COP1: variants seen among roughly 807,000 people sequenced by gnomAD.
COP1 encodes COP1 E3 ubiquitin ligase, also known as E3 ubiquitin-protein ligase COP1.
In COP1, 24 loss-of-function variants were observed where a neutral mutation model predicts 101.3. The ratio of observed to expected loss-of-function variants is 0.24; its 90% CI spans 0.17 to 0.33. The LOEUF (loss-of-function observed/expected upper bound fraction) is 0.33, where lower values mean the gene tolerates loss of function less well. COP1 is among the 10% of genes least tolerant of loss of function. COP1 has a pLI of 1.00. For missense variants in COP1, 663 were observed against 906.2 expected (o/e 0.73, Z 3.45); for synonymous variants, 347 against 341.9 (o/e 1.01, Z -0.17).
chr1:175,989,371 A>G lies in COP1; in HGVS notation c.1838T>C (p.Ile613Thr). Reference sequence around the variant, plus strand: ...GGAGAGTAATACTCACGCAGAGACAATTTCCTCACCACTCACAAACTTTGC... The same window carrying G: ...GGAGAGTAATACTCACGCAGAGACAGTTTCCTCACCACTCACAAACTTTGC... Reference protein sequence around the residue: ...SYAKFVSGEEIVSASTDSQLK... With the variant: ...SYAKFVSGEETVSASTDSQLK... The change falls in exon 16 of 20, where the codon ATT becomes ACT. Residue 613 changes from isoleucine (I) to threonine (T), a missense_variant. Physicochemically the swap from Ile to Thr is moderately conservative, Grantham distance 89. Coordinates refer to ENST00000367669, the MANE Select transcript of COP1 (RefSeq NM_022457.7). The G allele has an allele frequency of 1.3e-6, 2 of 1,554,104 alleles. No homozygotes were observed. The highest frequency in any genetic ancestry group is 1.8e-6 in the Non-Finnish European group (2 of 1,125,466).
intron 1 of COP1, among the ~76,000 whole-genome samples, chr1:176,190,966 A>G (rs778578494): frequency 6.6e-6 from 1 of 152,090 alleles, no homozygotes. Flanking sequence ...GGCACAATCT[A>G]GAGTCATTTA....
Position 176,175,961 on chromosome 1 carries a change from TG to T in COP1, c.513del (p.Lys172SerfsTer18). On this transcript the variant is annotated frameshift_variant, in exon 3 of 20. Coordinates refer to ENST00000367669, the MANE Select transcript of COP1 (RefSeq NM_022457.7). LOFTEE classifies it high-confidence loss of function. ...HQSLEDNNRC[P>X]KCNYVVDNID... ...ATATTGTCCACAACATAGTTACACT[TG>T]GGACATCTATTATTGTCCTCCAAAC... 1 of 1,594,008 alleles carries T rather than the reference TG, an allele frequency of 6.3e-7. No individual in the cohort carries two copies. The highest frequency in any genetic ancestry group is 8.6e-7 in the Non-Finnish European group (1 of 1,163,838).
At chr1:175,957,640 A>AAACTT (rs1233782911) in intron 18 of COP1, among the ~76,000 whole-genome samples, 1 of 152,216 alleles carries the variant, frequency 6.6e-6, no homozygotes, top group Non-Finnish European at 1.5e-5. Context: ...TTATAAGGCT[A>AAACTT]AACTTACAAC....
chr1:176,184,860 G>C (rs1037637488), intron 1 of COP1, among the ~76,000 whole-genome samples, 168 bp from the exon 2 acceptor site: 1 of 152,086 alleles, frequency 6.6e-6, no homozygotes, highest in African/African-American at 2.4e-5. Context: ...CTAAACTTTA[G>C]GGGATTGTTG....
At chr1:176,003,069 T>C (rs1405110313) in intron 15 of COP1, among the ~76,000 whole-genome samples, 1 of 151,838 alleles carries the variant, frequency 6.6e-6, no homozygotes, top group Non-Finnish European at 1.5e-5. Flanking sequence ...TGAGATGGTA[T>C]CTCATTGTGG....
At chr1:175,975,911 T>C (rs1030146953) in intron 18 of COP1, among the ~76,000 whole-genome samples, 3 of 152,130 alleles carry the variant, frequency 2.0e-5, no homozygotes, top group Admixed American at 2.0e-4. Flanking sequence ...TACATGATAA[T>C]TGGGCTTTCC....
chr1:176,204,417 G>T (rs1426329572), intron 1 of COP1, among the ~76,000 whole-genome samples: 1 of 151,710 alleles, frequency 6.6e-6, no homozygotes, highest in Non-Finnish European at 1.5e-5. Context: ...TTTGACCTTG[G>T]GGCATACAAG....
chr1:176,147,317 T>C (rs1430716205), intron 6 of COP1, among the ~76,000 whole-genome samples: 5 of 152,312 alleles, frequency 3.3e-5, no homozygotes, highest in Middle Eastern at 3.4e-3. Context: ...CAAATCACTA[T>C]AGTACCCAAT....
At chr1:176,010,896 A>G (rs1664543763) in intron 15 of COP1, among the ~76,000 whole-genome samples, 2 of 152,242 alleles carry the variant, frequency 1.3e-5, no homozygotes, top group South Asian at 4.1e-4. Context: ...TATCAAAAAT[A>G]TCACCATTTA....
At chr1:176,178,840 C>A (rs1572706919) in intron 2 of COP1, among the ~76,000 whole-genome samples, 1 of 149,488 alleles carries the variant, frequency 6.7e-6, no homozygotes, top group African/African-American at 2.5e-5. Flanking sequence ...GCAACAAGAG[C>A]AAAACTCCGT....
chr1:176,166,950 T>A (rs1695244349), intron 3 of COP1, among the ~76,000 whole-genome samples: 1 of 152,068 alleles, frequency 6.6e-6, no homozygotes, highest in African/African-American at 2.4e-5. Context: ...AAAATAAAAA[T>A]TTTTAAAAAA....
rs143706404 is a variant in COP1 at position 176,119,306 on chromosome 1, C to T, written c.969-2625G>A. The stretch of plus-strand genomic sequence containing the variant: ...AATTGTGTAGTTGCATATTTAGAGG[C>T]CTATAGAACAGAACATTTCCAGCTA... On this transcript the variant is annotated intron_variant, in intron 8 of 19. Coordinates refer to ENST00000367669, the MANE Select transcript of COP1 (RefSeq NM_022457.7). Among the ~76,000 whole-genome samples, 46 of 152,218 alleles carry T rather than the reference C, an allele frequency of 3.0e-4. No individual in the cohort carries two copies. In the East Asian group the frequency reaches 8.1e-3, roughly 27 times the overall value.
At chr1:176,140,714 C>G (rs1320671357) in intron 6 of COP1, among the ~76,000 whole-genome samples, 1 of 152,078 alleles carries the variant, frequency 6.6e-6, no homozygotes, top group Non-Finnish European at 1.5e-5. Context: ...GTTCAAGAAG[C>G]TGAACTGCTA....
At chr1:176,016,580 T>G (rs1221605521) in intron 15 of COP1, among the ~76,000 whole-genome samples, 1 of 152,178 alleles carries the variant, frequency 6.6e-6, no homozygotes, top group African/African-American at 2.4e-5. Flanking sequence ...TCTCTTTCCC[T>G]CCCTCTCTGA....
chr1:176,096,678 T>C (rs1050276558), intron 9 of COP1, among the ~76,000 whole-genome samples: 1 of 152,242 alleles, frequency 6.6e-6, no homozygotes, highest in Non-Finnish European at 1.5e-5. Flanking sequence ...GATTTTTTTT[T>C]TCCTTTTTAG....
intron 18 of COP1, among the ~76,000 whole-genome samples, chr1:175,983,204 T>C (rs2148696807): frequency 6.6e-6 from 1 of 152,302 alleles, no homozygotes; most frequent in Non-Finnish European, 1.5e-5. Flanking sequence ...TGAAAAAGAC[T>C]CCTCTGATAT....
At chr1:176,176,087 GTCT>G (rs1264682997) in intron 2 of COP1, 80 bp from the exon 3 acceptor site, 1 of 701,390 alleles carries the variant, frequency 1.4e-6, no homozygotes, top group East Asian at 2.6e-5. Flanking sequence ...ATGACTATTA[GTCT>G]TCTATTCCTC....
At chr1:176,163,625 T>C (rs970533815) in intron 4 of COP1, among the ~76,000 whole-genome samples, 190 bp downstream of exon 4, 1 of 152,196 alleles carries the variant, frequency 6.6e-6, no homozygotes, top group Non-Finnish European at 1.5e-5. Flanking sequence ...CCTTTCAAAA[T>C]AGGATCACTC....
chr1:176,017,620 G>A (rs573424977), intron 15 of COP1: 1 of 152,278 alleles, frequency 6.6e-6, no homozygotes, highest in Non-Finnish European at 1.5e-5. Context: ...CGCCTCCTGG[G>A]TTCAAGCTAT....
Sources: gnomAD v4.1 joint callset for allele counts (sites outside exome capture counted in the v4.1 genomes callset) on GRCh38, gnomAD v4.1.1 for gene constraint, MANE v1.5 for transcripts, NCBI Gene and HGNC (gene_info 2026-07-23, HGNC 2026-07-21) for gene names.